DCC: variants seen among roughly 807,000 people sequenced by gnomAD.
DCC encodes the protein netrin receptor DCC.
In DCC, 58 loss-of-function variants were observed where a neutral mutation model predicts 172.5. The ratio of observed to expected loss-of-function variants is 0.34; its 90% CI spans 0.27 to 0.42. The LOEUF (loss-of-function observed/expected upper bound fraction) is 0.42, where lower values mean the gene tolerates loss of function less well. Among genes scored for constraint, DCC ranks in the 10% least tolerant of loss-of-function variants. DCC has a pLI of 1.00. For synonymous variants in DCC, 709 were observed against 644.5 expected (o/e 1.10, Z -1.52); for missense variants, 1,740 against 1,791.0 (o/e 0.97, Z 0.51).
At chr18:53,364,149 A>G in intron 15 of DCC, among the ~76,000 whole-genome samples, 1 of 152,132 alleles carries the variant, frequency 6.6e-6, no homozygotes, top group Non-Finnish European at 1.5e-5. Flanking sequence ...TGGAATAAAA[A>G]TTGTAACCTA....
chr18:52,782,853 A>G (rs1321107021), intron 2 of DCC, among the ~76,000 whole-genome samples: 1 of 152,116 alleles, frequency 6.6e-6, no homozygotes, highest in Non-Finnish European at 1.5e-5. Flanking sequence ...TACTCTTCGT[A>G]TAAACATTTT....
At chr18:52,927,943 C>A (rs1390208364) in intron 5 of DCC, among the ~76,000 whole-genome samples, 3 of 152,038 alleles carry the variant, frequency 2.0e-5, no homozygotes. Flanking sequence ...GTAAATCATT[C>A]TACCATAAAG....
chr18:52,473,971 C>T (rs1464018180), intron 1 of DCC, among the ~76,000 whole-genome samples: 2 of 151,992 alleles, frequency 1.3e-5, no homozygotes, highest in African/African-American at 2.4e-5. Context: ...CTGAACTGCA[C>T]TTATAGGCCA....
At chr18:52,850,873 C>T (rs16955710) in intron 2 of DCC, among the ~76,000 whole-genome samples, 3,729 of 152,056 alleles carry the variant, frequency 0.025, 136 homozygotes, top group African/African-American at 0.082. Context: ...GCTGTTTAAC[C>T]AGGTTCCGTC....
chr18:53,094,337 C>T (rs556698935), intron 7 of DCC, among the ~76,000 whole-genome samples: 6 of 152,204 alleles, frequency 3.9e-5, no homozygotes, highest in African/African-American at 9.6e-5. Flanking sequence ...TTTCTCATTC[C>T]TCTTCTGAAG....
chr18:53,352,238 C>A (rs1343550432), intron 15 of DCC, among the ~76,000 whole-genome samples: 1 of 152,056 alleles, frequency 6.6e-6, no homozygotes, highest in Non-Finnish European at 1.5e-5. Context: ...AGATTCAGTA[C>A]AAGTGCCAGA....
At chr18:53,060,792 C>G (rs2042483956) in intron 5 of DCC, among the ~76,000 whole-genome samples, 1 of 152,008 alleles carries the variant, frequency 6.6e-6, no homozygotes, top group Admixed American at 6.6e-5. Flanking sequence ...GTTGGAAAAA[C>G]AGTGAATCTG....
intron 1 of DCC, among the ~76,000 whole-genome samples, chr18:52,549,825 T>C (rs997285803): frequency 1.3e-5 from 2 of 152,024 alleles, no homozygotes; most frequent in East Asian, 3.9e-4. Flanking sequence ...GCTTTTTTTT[T>C]TCCTTTACAG....
Position 53,057,506 on chromosome 18 carries a change from A to G in DCC, c.986-5799A>G, listed in dbSNP as rs571665211. ...CATAAAAATGATTCTTTATGTATAT[A>G]CTAGAAGTACTTGCAAAGGTCCTAG... On this transcript the variant is annotated intron_variant, in intron 5 of 28. Coordinates refer to ENST00000442544, the MANE Select transcript of DCC (RefSeq NM_005215.4). Among the ~76,000 whole-genome samples, 21 of 152,192 alleles carry G rather than the reference A, an allele frequency of 1.4e-4. No individual in the cohort carries two copies. In the South Asian group the frequency reaches 4.4e-3, roughly 32 times the overall value.
chr18:53,506,939 C>G (rs1400388710), intron 27 of DCC, among the ~76,000 whole-genome samples: 1 of 151,732 alleles, frequency 6.6e-6, no homozygotes, highest in Non-Finnish European at 1.5e-5. Flanking sequence ...TCCATCATGC[C>G]AACTACAGAA....
chr18:53,522,663 G>A (rs749517103), intron 27 of DCC, among the ~76,000 whole-genome samples: 3 of 151,954 alleles, frequency 2.0e-5, no homozygotes, highest in Non-Finnish European at 4.4e-5. Flanking sequence ...AAAGCACCGG[G>A]GAAAGGATTC....
intron 2 of DCC, among the ~76,000 whole-genome samples, chr18:52,779,626 G>A (rs2037496815): frequency 1.3e-5 from 2 of 152,146 alleles, no homozygotes; most frequent in African/African-American, 4.8e-5. Context: ...ATGCACATGT[G>A]TCTTTATAGT....
chr18:53,395,818 T>C lies in DCC; in HGVS notation c.2689-1490T>C, dbSNP rs541266588. Among the ~76,000 whole-genome samples, 5 of 152,268 alleles carry C rather than the reference T, an allele frequency of 3.3e-5. No homozygotes were observed. In the East Asian group the frequency reaches 9.7e-4, roughly 29 times the overall value. The stretch of plus-strand genomic sequence containing the variant: ...CTACCATGCCCAGTTAATTTTTGTA[T>C]TTTTAATAGAGATGGGGTTTCACCA... On this transcript the variant is annotated intron_variant, in intron 17 of 28. Coordinates refer to ENST00000442544, the MANE Select transcript of DCC (RefSeq NM_005215.4).
chr18:52,922,925 T>G (rs111978802), intron 3 of DCC, among the ~76,000 whole-genome samples: 1,691 of 152,282 alleles, frequency 0.011, 18 homozygotes, highest in Middle Eastern at 0.017. Flanking sequence ...GAAATGCATT[T>G]AAGGATTGAA....
At chr18:52,453,047 G>A (rs1285082773) in intron 1 of DCC, among the ~76,000 whole-genome samples, 1 of 152,246 alleles carries the variant, frequency 6.6e-6, no homozygotes, top group East Asian at 1.9e-4. Flanking sequence ...ATGCATTGGT[G>A]TGTCTGTGTA....
At chr18:53,044,323 C>A (rs1157832708) in intron 5 of DCC, among the ~76,000 whole-genome samples, 1 of 151,794 alleles carries the variant, frequency 6.6e-6, no homozygotes, top group African/African-American at 2.4e-5. Context: ...AGTGACTGCA[C>A]AGGCCATTGA....
At chr18:52,555,602 C>A (rs1413934824) in intron 1 of DCC, among the ~76,000 whole-genome samples, 1 of 151,974 alleles carries the variant, frequency 6.6e-6, no homozygotes, top group African/African-American at 2.4e-5. Flanking sequence ...AGACTGGGAG[C>A]ATGGATATTT....
chr18:52,897,993 T>C (rs7243467), intron 2 of DCC, among the ~76,000 whole-genome samples: 83,250 of 152,108 alleles, frequency 0.55, 23,070 homozygotes, highest in Middle Eastern at 0.62. Context: ...TTCTAGAGAA[T>C]GTCTCTTTGG....
At chr18:52,860,122 AAAAC>A (rs1392091119) in intron 2 of DCC, among the ~76,000 whole-genome samples, 3 of 152,198 alleles carry the variant, frequency 2.0e-5, no homozygotes, top group African/African-American at 7.2e-5. Flanking sequence ...GAAACTAAGA[AAAAC>A]AAAGGTTAAT....
Sources: allele counts gnomAD v4.1 joint callset (sites outside exome capture counted in the v4.1 genomes callset), GRCh38; gene constraint gnomAD v4.1.1; transcripts MANE v1.5; gene names NCBI Gene and HGNC (gene_info 2026-07-23, HGNC 2026-07-21).